Variants in SOX5 observed in about 807,000 individuals in gnomAD.
The protein encoded by SOX5 is transcription factor SOX-5.
Under a neutral mutation model 92.0 loss-of-function variants are expected in SOX5, and 9 were observed. The observed-to-expected ratio is 0.10, with a 90% confidence interval of 0.06 to 0.17. The LOEUF (loss-of-function observed/expected upper bound fraction) is 0.17. Ranked by LOEUF, SOX5 falls within the 10% of genes least tolerant of loss-of-function variation. SOX5 has a pLI of 1.00. For synonymous variants in SOX5, 344 were observed against 336.3 expected (o/e 1.02, Z -0.25); for missense variants, 642 against 944.5 (o/e 0.68, Z 4.20).
chr12:24,226,398 A>G (rs1961982564), intron 3 of SOX5, among the ~76,000 whole-genome samples: 1 of 152,148 alleles, frequency 6.6e-6, no homozygotes, highest in Non-Finnish European at 1.5e-5. Context: ...TTTTCTTTAA[A>G]ATTTCCACCT....
At chr12:24,397,683 A>G (rs543789861) in intron 1 of SOX5, among the ~76,000 whole-genome samples, 2 of 152,190 alleles carry the variant, frequency 1.3e-5, no homozygotes, top group East Asian at 3.9e-4. Context: ...AAAAAAATCA[A>G]CAAACTTTAA....
chr12:24,095,023 A>T (rs926657884), intron 4 of SOX5, among the ~76,000 whole-genome samples: 1 of 151,526 alleles, frequency 6.6e-6, no homozygotes, highest in East Asian at 1.9e-4. Flanking sequence ...ATGATTGGTA[A>T]TTGTCTTGAA....
intron 4 of SOX5, among the ~76,000 whole-genome samples, chr12:24,046,672 CTTTT>C (rs61416662): frequency 3.2e-5 from 4 of 126,764 alleles, no homozygotes; most frequent in Admixed American, 8.4e-5. Context: ...TAAAATGTGT[CTTTT>C]TTTTTTTTTT....
chr12:24,249,564 A>G (rs1369079148), intron 3 of SOX5, among the ~76,000 whole-genome samples: 1 of 152,200 alleles, frequency 6.6e-6, no homozygotes, highest in Non-Finnish European at 1.5e-5. Context: ...ACAGTTGACA[A>G]CAACTTTACT....
At chr12:23,771,316 G>C (rs944153963) in intron 3 of SOX5, among the ~76,000 whole-genome samples, 3 of 152,092 alleles carry the variant, frequency 2.0e-5, no homozygotes, top group African/African-American at 7.2e-5. Context: ...TTGCAAAGGA[G>C]GGGAGTACCA....
At chr12:24,379,157 A>C (rs941569501) in intron 1 of SOX5, among the ~76,000 whole-genome samples, 2 of 152,224 alleles carry the variant, frequency 1.3e-5, no homozygotes, top group Non-Finnish European at 2.9e-5. Context: ...ATTAGCTGAA[A>C]GTATTCAAAA....
At chr12:23,802,717 A>T (rs2095685477) in intron 3 of SOX5, among the ~76,000 whole-genome samples, 2 of 152,218 alleles carry the variant, frequency 1.3e-5, no homozygotes, top group Non-Finnish European at 2.9e-5. Flanking sequence ...AATACATTTC[A>T]ATACAATCCA....
At chr12:23,924,004 A>C (rs1446330980) in intron 1 of SOX5, among the ~76,000 whole-genome samples, 5 of 152,170 alleles carry the variant, frequency 3.3e-5, no homozygotes, top group Non-Finnish European at 5.9e-5. Flanking sequence ...TGCTTATATA[A>C]ACCTTTCTAC....
At chr12:24,230,718 ACCGT>A (rs1480298233) in intron 3 of SOX5, 1 of 152,222 alleles carries the variant, frequency 6.6e-6, no homozygotes, top group African/African-American at 2.4e-5. Flanking sequence ...CAAAGCCGAC[ACCGT>A]CCCAGGAGTA....
intron 4 of SOX5, among the ~76,000 whole-genome samples, chr12:24,187,496 T>G (rs1956128427): frequency 6.6e-6 from 1 of 152,240 alleles, no homozygotes; most frequent in African/African-American, 2.4e-5. Context: ...GCTTCATAAC[T>G]GCACTTTGAG....
At chr12:23,943,942 A>G (rs1944115403) in intron 1 of SOX5, among the ~76,000 whole-genome samples, 1 of 152,158 alleles carries the variant, frequency 6.6e-6, no homozygotes. Context: ...CATGTTAACA[A>G]GTTTATCAAC....
intron 11 of SOX5, among the ~76,000 whole-genome samples, chr12:23,557,562 C>T (rs1945399344): frequency 6.6e-6 from 1 of 152,178 alleles, no homozygotes; most frequent in Non-Finnish European, 1.5e-5. Context: ...TTGGTCTTAA[C>T]ATGTATACGG....
intron 4 of SOX5, among the ~76,000 whole-genome samples, chr12:24,087,632 G>T (rs1944166687): frequency 6.6e-6 from 1 of 152,062 alleles, no homozygotes; most frequent in Non-Finnish European, 1.5e-5. Flanking sequence ...TGTGAACGTG[G>T]TATATTGAGA....
At chr12:24,010,631 T>C (rs998203589) in intron 4 of SOX5, among the ~76,000 whole-genome samples, 1 of 152,132 alleles carries the variant, frequency 6.6e-6, no homozygotes, top group Non-Finnish European at 1.5e-5. Flanking sequence ...AATCTTTCTT[T>C]AAAAATTTGA....
intron 4 of SOX5, among the ~76,000 whole-genome samples, chr12:23,968,753 T>C (rs1947883995): frequency 6.6e-6 from 1 of 152,154 alleles, no homozygotes; most frequent in South Asian, 2.1e-4. Context: ...TCTCTTTACT[T>C]CCATTGCAGC....
chr12:24,109,310 A>AG (rs1305178049), intron 4 of SOX5, among the ~76,000 whole-genome samples: 2 of 152,158 alleles, frequency 1.3e-5, no homozygotes, highest in Non-Finnish European at 2.9e-5. Context: ...TTTAAGTGAG[A>AG]AAACCACAAA....
At chr12:23,760,621 C>T (rs200580069) in intron 3 of SOX5, among the ~76,000 whole-genome samples, 2 of 148,586 alleles carry the variant, frequency 1.3e-5, no homozygotes, top group African/African-American at 2.5e-5. Context: ...TGGCCCCCCC[C>T]AACTGTGCCA....
intron 3 of SOX5, among the ~76,000 whole-genome samples, chr12:24,224,065 G>C (rs1242050471): frequency 6.6e-6 from 1 of 152,308 alleles, no homozygotes; most frequent in Middle Eastern, 3.4e-3. Flanking sequence ...CACTGGCTTC[G>C]CATTGTTGTT....
In SOX5 at chr12:23,895,781, T is replaced by C. The variant is rs2097171000; in HGVS notation, c.270+12A>G. 1 of 1,567,036 alleles carries C rather than the reference T, an allele frequency of 6.4e-7. No homozygotes were observed. The highest frequency in any genetic ancestry group is 1.4e-5 in the African/African-American group (1 of 73,996). On this transcript the variant is annotated intron_variant, in intron 2 of 14. Coordinates refer to ENST00000451604, the MANE Select transcript of SOX5 (RefSeq NM_006940.6). ...AAGTGAGTGTAGGCACAATAAACCATGAGAAACCTACCATTGTATTGTGCT... is the reference window on the plus strand; with the variant it reads ...AAGTGAGTGTAGGCACAATAAACCACGAGAAACCTACCATTGTATTGTGCT...
Sources: allele counts gnomAD v4.1 joint callset (sites outside exome capture counted in the v4.1 genomes callset), GRCh38; gene constraint gnomAD v4.1.1; transcripts MANE v1.5; gene names NCBI Gene and HGNC (gene_info 2026-07-23, HGNC 2026-07-21).